Variants in ENDOU observed in about 807,000 individuals in gnomAD.
ENDOU encodes the protein uridylate-specific endoribonuclease.
Under a neutral mutation model 54.2 loss-of-function variants are expected in ENDOU, and 49 were observed. The ratio of observed to expected loss-of-function variants is 0.90; its 90% CI spans 0.72 to 1.15. The LOEUF (loss-of-function observed/expected upper bound fraction) is 1.15, where lower values mean the gene tolerates loss of function less well. Among genes scored for constraint, ENDOU ranks in the 50% most tolerant of loss-of-function variants. The pLI, the probability that ENDOU is intolerant of heterozygous loss-of-function variation, is 0.00. For synonymous variants in ENDOU, 172 were observed against 190.5 expected, an observed-to-expected ratio of 0.90 and a Z score of 0.80; for missense variants, 458 against 511.4, an observed-to-expected ratio of 0.90 and a Z score of 1.01.
At chr12:47,716,225 A>C (rs566475937) in intron 6 of ENDOU, 75 bp downstream of exon 6, 7 of 1,469,350 alleles carry the variant, frequency 4.8e-6, no homozygotes, top group South Asian at 3.4e-5. Context: ...TGCCCTCCTA[A>C]CCTTCCCCTC....
intron 6 of ENDOU, among the ~76,000 whole-genome samples, chr12:47,714,326 GA>G (rs1940148065): frequency 1.3e-5 from 2 of 152,332 alleles, no homozygotes; most frequent in South Asian, 4.1e-4. Flanking sequence ...CAGAGCCACT[GA>G]AGGATTTTAA....
chr12:47,710,700 T>A lies in ENDOU; in HGVS notation c.*102A>T. ...GGAATGCTTCTCATTGCTTTGAGAT[T>A]TGGTGATCCCTTCCAGTCCTCTCCC... is the stretch of plus-strand genomic sequence containing the variant. On this transcript the variant is annotated 3_prime_UTR_variant, in exon 10 of 10. Coordinates refer to ENST00000422538, the MANE Select transcript of ENDOU (RefSeq NM_001172439.2). 1 of 784,016 alleles carries A rather than the reference T, an allele frequency of 1.3e-6. No individual in the cohort carries two copies. The highest frequency in any genetic ancestry group is 1.5e-5 in the South Asian group (1 of 67,178). 48.6% of individuals were successfully genotyped at this position (784,016 alleles called of 1,614,324 possible).
chr12:47,716,160 C>T (rs1194155022), intron 6 of ENDOU, 140 bp downstream of exon 6: 1 of 825,480 alleles, frequency 1.2e-6, no homozygotes, highest in Non-Finnish European at 2.0e-6. Context: ...GGCCTCATCC[C>T]TCATCCCTCC....
intron 1 of ENDOU, among the ~76,000 whole-genome samples, chr12:47,724,468 G>A (rs1940526550): frequency 6.6e-6 from 1 of 152,172 alleles, no homozygotes; most frequent in South Asian, 2.1e-4. Context: ...CATAATCATA[G>A]CGAATTTCCA....
intron 1 of ENDOU, among the ~76,000 whole-genome samples, chr12:47,722,594 A>G (rs1049969133): frequency 2.6e-5 from 4 of 152,220 alleles, no homozygotes; most frequent in African/African-American, 9.7e-5. Flanking sequence ...ACAAGTGTTC[A>G]GACTGGCTGG....
At chr12:47,718,744 T>G (rs1940341861) in intron 2 of ENDOU, among the ~76,000 whole-genome samples, 1 of 152,110 alleles carries the variant, frequency 6.6e-6, no homozygotes, top group African/African-American at 2.4e-5. Context: ...TCCCTTCACC[T>G]GCAAGCTGAG....
In ENDOU at chr12:47,712,540, A is replaced by G. The variant is rs965301541; in HGVS notation, c.948T>C (p.Tyr316=). 3.7e-6 allele frequency: 6 copies of G among 1,614,034 alleles called. No individual in the cohort carries two copies. Among genetic ancestry groups the G allele is most frequent in the Non-Finnish European group, 5.1e-6 (6 of 1,179,892 alleles). ...YLEEKEGLVD[Y]YSHIYDGPWD... is the part of the protein sequence containing the mutation. Reference sequence around the variant, plus strand: ...CAGGCCCATCGTAGATGTGACTGTAATAGTCAACCAGACCCTCCTTCTCCT... The same window carrying G: ...CAGGCCCATCGTAGATGTGACTGTAGTAGTCAACCAGACCCTCCTTCTCCT... The change falls in exon 8 of 10, where the codon TAT becomes TAC. Residue 316 remains tyrosine (Y), a synonymous_variant. Coordinates refer to ENST00000422538, the MANE Select transcript of ENDOU (RefSeq NM_001172439.2).
intron 2 of ENDOU, chr12:47,719,544 T>C (rs771884357): frequency 6.6e-6 from 1 of 152,300 alleles, no homozygotes; most frequent in East Asian, 1.9e-4. Flanking sequence ...GGGTTTTTCC[T>C]GTGCTGGTTC....
intron 4 of ENDOU, 105 bp downstream of exon 4, chr12:47,717,413 A>G: frequency 7.7e-7 from 1 of 1,301,452 alleles, no homozygotes; most frequent in African/African-American, 1.5e-5. Flanking sequence ...GTTTCTAACA[A>G]GTTCTCAGAC....
chr12:47,725,242 A>C, intron 1 of ENDOU, 117 bp downstream of exon 1: 1 of 1,153,306 alleles, frequency 8.7e-7, no homozygotes, highest in Non-Finnish European at 1.3e-6. Flanking sequence ...GCTTTAGGAC[A>C]GAGCTCACCC....
intron 1 of ENDOU, among the ~76,000 whole-genome samples, chr12:47,724,812 C>A (rs951981404): frequency 8.5e-5 from 13 of 152,228 alleles, no homozygotes; most frequent in Admixed American, 7.2e-4. Flanking sequence ...CAACAGAGAT[C>A]CATTCCTCTG....
At chr12:47,713,741 G>T (rs1365252124) in intron 6 of ENDOU, among the ~76,000 whole-genome samples, 1 of 23,096 alleles carries the variant, frequency 4.3e-5, no homozygotes, top group Non-Finnish European at 1.1e-4. Flanking sequence ...ATAAGTTGGC[G>T]GGGGGGGGGG....
intron 5 of ENDOU, 119 bp downstream of exon 5, chr12:47,716,771 A>AT (rs1254911366): frequency 1.8e-4 from 197 of 1,073,766 alleles, no homozygotes; most frequent in Middle Eastern, 6.2e-4. Flanking sequence ...CTGGAGAACT[A>AT]TTTTTTTTCT....
rs1416409522 is a variant in ENDOU at position 47,710,574 on chromosome 12, C to A, written c.*228G>T. The A allele has an allele frequency of 2.2e-6, 1 of 464,286 alleles. No homozygotes were observed. The highest frequency in any genetic ancestry group is 4.0e-6 in the Non-Finnish European group (1 of 251,762). The allele number at this position is 464,286 out of a possible 1,614,324, so 28.8% of individuals were successfully genotyped here. A position where few individuals can be genotyped will look rare whatever the true frequency, so the allele number is the denominator to read the frequency against. Reference sequence around the variant, plus strand: ...CTCTGCTTGGACTCTGTTTCTTAGTCAACATTGCCAAAATTCTAGAGGATA... The same window carrying A: ...CTCTGCTTGGACTCTGTTTCTTAGTAAACATTGCCAAAATTCTAGAGGATA... On this transcript the variant is annotated 3_prime_UTR_variant, in exon 10 of 10. Transcript: ENST00000422538.
chr12:47,712,650 T>C, intron 7 of ENDOU, 28 bp from the exon 8 acceptor site: 1 of 1,540,394 alleles, frequency 6.5e-7, no homozygotes, highest in Non-Finnish European at 9.0e-7. Context: ...AGATGGATAA[T>C]CTGGGCTCCT....
In ENDOU at chr12:47,720,815, T is replaced by C. The variant is rs1314708638; in HGVS notation, c.116A>G (p.Gln39Arg). 2.0e-6 allele frequency: 3 copies of C among 1,536,132 alleles called. No homozygotes were observed. Among genetic ancestry groups the C allele is most frequent in the Non-Finnish European group, 2.6e-6 (3 of 1,146,902 alleles). ...NEKFNRDAAC[Q>R]CDRRCLWHGN... ...ATGCCAGAGACACCGGCGGTCACAC[T>C]GGCAGGCAGCGTCCCGGTTAAATTT... The change falls in exon 2 of 10, where the codon CAG (glutamine) becomes CGG (arginine). Residue 39 changes from glutamine (Q) to arginine (R), a missense_variant. By Grantham distance (43) the Gln-to-Arg change is conservative. Transcript: ENST00000422538.
intron 4 of ENDOU, 47 bp from the exon 5 acceptor site, chr12:47,717,105 G>A (rs768793971): frequency 6.4e-7 from 1 of 1,573,056 alleles, no homozygotes; most frequent in Non-Finnish European, 8.7e-7. Flanking sequence ...GAGGGAAAGG[G>A]GGGCGGGCAG....
Position 47,712,546 on chromosome 12 carries a change from A to G in ENDOU, c.942T>C (p.Val314=). Residue 314 remains valine (V), a synonymous_variant, in exon 8 of 10, where the codon GTT becomes GTC. Transcript: ENST00000422538. ...RFYLEEKEGL[V]DYYSHIYDGP... ...CATCGTAGATGTGACTGTAATAGTC[A>G]ACCAGACCCTCCTTCTCCTCCAGGT... is the stretch of plus-strand genomic sequence containing the variant. 1 of 1,614,132 alleles carries G rather than the reference A, an allele frequency of 6.2e-7. No homozygotes were observed. Among genetic ancestry groups the G allele is most frequent in the Non-Finnish European group, 8.5e-7 (1 of 1,179,998 alleles).
chr12:47,720,961 G>T, intron 1 of ENDOU, 86 bp from the exon 2 acceptor site: 1 of 1,334,922 alleles, frequency 7.5e-7, no homozygotes, highest in South Asian at 1.3e-5. Flanking sequence ...CACAGACCAG[G>T]GCAGGAGTGT....
Sources: gnomAD v4.1 joint callset for allele counts (sites outside exome capture counted in the v4.1 genomes callset) on GRCh38, gnomAD v4.1.1 for gene constraint, MANE v1.5 for transcripts, NCBI Gene and HGNC (gene_info 2026-07-23, HGNC 2026-07-21) for gene names.